The following CRPPA variants were observed in gnomAD, a reference collection of about 807,000 sequenced individuals.
CRPPA encodes D-ribitol-5-phosphate cytidylyltransferase.
Under a neutral mutation model 52.0 loss-of-function variants are expected in CRPPA, and 43 were observed. The observed-to-expected ratio is 0.83, with a 90% CI of 0.65 to 1.07. The LOEUF (loss-of-function observed/expected upper bound fraction) is 1.07, where lower values mean the gene tolerates loss of function less well. Ranked by LOEUF, CRPPA falls within the 50% of genes least tolerant of loss-of-function variation. The pLI, the probability that CRPPA is intolerant of heterozygous loss-of-function variation, is 0.00. For synonymous variants in CRPPA, 250 were observed against 203.5 expected, an observed-to-expected ratio of 1.23 and a Z score of -1.94; for missense variants, 629 against 551.7, an observed-to-expected ratio of 1.14 and a Z score of -1.40.
intron 8 of CRPPA, among the ~76,000 whole-genome samples, chr7:16,250,849 C>T (rs536961182): frequency 5.9e-4 from 90 of 152,166 alleles, no homozygotes; most frequent in African/African-American, 2.1e-3. Context: ...AGAATCATAA[C>T]GATAGGATCA....
intron 3 of CRPPA, among the ~76,000 whole-genome samples, chr7:16,351,642 G>A (rs943686295): frequency 3.3e-5 from 5 of 152,076 alleles, no homozygotes; most frequent in African/African-American, 1.2e-4. Flanking sequence ...CGACATTTAT[G>A]CGGCCAAACA....
intron 3 of CRPPA, among the ~76,000 whole-genome samples, chr7:16,335,743 C>G (rs536445165): frequency 1.2e-4 from 19 of 152,268 alleles, no homozygotes; most frequent in South Asian, 6.2e-4. Context: ...ATTCCCAAAT[C>G]TGGGGAAAGA....
intron 9 of CRPPA, chr7:16,209,273 C>CTTGTTTTTTTTTTTTTTTTTTTTT (rs1782058176): frequency 8.2e-6 from 1 of 122,066 alleles, no homozygotes; most frequent in Non-Finnish European, 1.8e-5. Flanking sequence ...TTCTAAGTGT[C>CTTGTTTTTTTTTTTTTTTTTTTTT]TTTTTTTTTT....
chr7:16,420,054 C>T (rs1020363788), intron 1 of CRPPA, among the ~76,000 whole-genome samples: 3 of 152,132 alleles, frequency 2.0e-5, no homozygotes, highest in African/African-American at 7.2e-5. Context: ...AACCTTTTGG[C>T]TTTTGAAGCA....
At chr7:16,188,240 TC>T (rs1183545588) in intron 9 of CRPPA, among the ~76,000 whole-genome samples, 1 of 151,950 alleles carries the variant, frequency 6.6e-6, no homozygotes, top group Non-Finnish European at 1.5e-5. Flanking sequence ...CACATCGGCC[TC>T]CCAAAGGGTG....
At chr7:16,111,459 T>C (rs923497798) in intron 9 of CRPPA, among the ~76,000 whole-genome samples, 2 of 152,346 alleles carry the variant, frequency 1.3e-5, no homozygotes, top group South Asian at 2.1e-4. Flanking sequence ...TTCAAAGAGA[T>C]GTCTGCACTC....
chr7:16,406,026 G>C (rs1378301433), intron 2 of CRPPA, 35 bp downstream of exon 2: 2 of 1,592,540 alleles, frequency 1.3e-6, no homozygotes, highest in Non-Finnish European at 8.6e-7. Context: ...TACAGTGCTT[G>C]TCCCTTCTAT....
chr7:16,231,522 A>G (rs61017342), intron 8 of CRPPA, among the ~76,000 whole-genome samples: 2,999 of 152,270 alleles, frequency 0.02, 120 homozygotes, highest in East Asian at 0.19. Flanking sequence ...TAATTTACAC[A>G]TCCATACTGC....
intron 9 of CRPPA, among the ~76,000 whole-genome samples, chr7:16,158,235 T>C (rs899510235): frequency 6.6e-6 from 1 of 152,068 alleles, no homozygotes; most frequent in Non-Finnish European, 1.5e-5. Flanking sequence ...GAATCACCTA[T>C]ATTATGAGGC....
In CRPPA at chr7:16,352,856, G is replaced by A. The variant is rs189424852; in HGVS notation, c.684+23236C>T. Among the ~76,000 whole-genome samples the A allele has an allele frequency of 3.5e-4, 51 of 146,598 alleles. 1 individual carries two copies. The highest frequency in any genetic ancestry group is 3.2e-3 in the Admixed American group (47 of 14,730). ...ATGGAAACAACTTAAGCGACCAAAGGTCACAAGGATTTAAGTAACATGGCA... is the reference window on the plus strand; with the variant it reads ...ATGGAAACAACTTAAGCGACCAAAGATCACAAGGATTTAAGTAACATGGCA... On this transcript the variant is annotated intron_variant, in intron 3 of 9. Coordinates refer to ENST00000407010, the MANE Select transcript of CRPPA (RefSeq NM_001101426.4).
At chr7:16,173,188 T>A (rs1052452348) in intron 9 of CRPPA, among the ~76,000 whole-genome samples, 1 of 152,184 alleles carries the variant, frequency 6.6e-6, no homozygotes, top group South Asian at 2.1e-4. Context: ...AAAGCCCAGA[T>A]TTCACTAAGT....
intron 2 of CRPPA, among the ~76,000 whole-genome samples, chr7:16,397,809 A>C (rs1787648828): frequency 1.3e-5 from 2 of 152,134 alleles, no homozygotes; most frequent in Admixed American, 1.3e-4. Flanking sequence ...GCACGTGTTT[A>C]ACATGTGACT....
chr7:16,400,099 CTG>C (rs753868736), intron 2 of CRPPA, among the ~76,000 whole-genome samples: 9 of 151,920 alleles, frequency 5.9e-5, no homozygotes, highest in Non-Finnish European at 1.3e-4. Context: ...TGTCACGTGA[CTG>C]GAGTGTGATA....
At chr7:16,374,314 A>G (rs1786824226) in intron 3 of CRPPA, among the ~76,000 whole-genome samples, 1 of 152,172 alleles carries the variant, frequency 6.6e-6, no homozygotes, top group African/African-American at 2.4e-5. Flanking sequence ...CTTGGACATC[A>G]GACAACAGGC....
intron 9 of CRPPA, among the ~76,000 whole-genome samples, chr7:16,192,848 C>G (rs1192070344): frequency 6.6e-6 from 1 of 152,114 alleles, no homozygotes; most frequent in Admixed American, 6.6e-5. Flanking sequence ...ATCACCTTGA[C>G]ACCTTTGTCA....
At chr7:16,142,185 C>G (rs1300835850) in intron 9 of CRPPA, among the ~76,000 whole-genome samples, 1 of 152,110 alleles carries the variant, frequency 6.6e-6, no homozygotes, top group Non-Finnish European at 1.5e-5. Flanking sequence ...TGAACTAAAG[C>G]AAAATAATTT....
intron 1 of CRPPA, among the ~76,000 whole-genome samples, chr7:16,411,015 G>A (rs1788066581): frequency 1.3e-5 from 2 of 152,112 alleles, no homozygotes; most frequent in South Asian, 2.1e-4. Context: ...TTCCTCACTA[G>A]GCTGCCAACT....
intron 6 of CRPPA, among the ~76,000 whole-genome samples, chr7:16,260,217 C>G (rs941579364): frequency 2.6e-5 from 4 of 152,022 alleles, no homozygotes; most frequent in African/African-American, 4.8e-5. Flanking sequence ...TTGTTCCATA[C>G]TTCCTTTGCA....
intron 5 of CRPPA, among the ~76,000 whole-genome samples, chr7:16,301,008 C>G (rs1222276409): frequency 2.6e-5 from 4 of 152,118 alleles, no homozygotes; most frequent in Non-Finnish European, 4.4e-5. Context: ...CCTAATTTCT[C>G]CAGTTAGGAA....
Sources: gnomAD v4.1 joint callset for allele counts (sites outside exome capture counted in the v4.1 genomes callset) on GRCh38, gnomAD v4.1.1 for gene constraint, MANE v1.5 for transcripts, NCBI Gene and HGNC (gene_info 2026-07-23, HGNC 2026-07-21) for gene names.